The following FARS2 variants were observed in gnomAD, a reference collection of about 807,000 sequenced individuals.
FARS2 encodes phenylalanyl-tRNA synthetase 2, mitochondrial.
A neutral mutation model predicts 46.4 loss-of-function variants in FARS2; 40 were observed. That is an observed-to-expected ratio of 0.86 (90% CI 0.67 to 1.12). The LOEUF is 1.12. Ranked by LOEUF, FARS2 falls within the 50% of genes most tolerant of loss-of-function variation. FARS2 has a pLI of 0.00. For missense variants in FARS2, 513 were observed against 567.9 expected (o/e 0.90, Z 0.98); for synonymous variants, 234 against 214.9 (o/e 1.09, Z -0.78).
chr6:5,548,144 G>C (rs754294796), intron 5 of FARS2, among the ~76,000 whole-genome samples: 9 of 152,124 alleles, frequency 5.9e-5, no homozygotes, highest in Non-Finnish European at 1.0e-4. Context: ...TCACTATCAC[G>C]AGAATAGCAC....
chr6:5,300,624 A>G (rs1380793785), intron 1 of FARS2, among the ~76,000 whole-genome samples: 2 of 151,922 alleles, frequency 1.3e-5, no homozygotes, highest in African/African-American at 4.8e-5. Flanking sequence ...AGAGAGACAG[A>G]TTGCTTAGAT....
At chr6:5,360,524 T>C (rs1161330722) in intron 1 of FARS2, among the ~76,000 whole-genome samples, 1 of 152,220 alleles carries the variant, frequency 6.6e-6, no homozygotes, top group African/African-American at 2.4e-5. Context: ...TAATGGGAGA[T>C]AGGTTTGCCC....
chr6:5,654,400 G>T (rs1777510563), intron 6 of FARS2, among the ~76,000 whole-genome samples: 1 of 152,150 alleles, frequency 6.6e-6, no homozygotes, highest in South Asian at 2.1e-4. Context: ...TGCAGTTGAT[G>T]TTTAAAATAT....
intron 4 of FARS2, among the ~76,000 whole-genome samples, chr6:5,538,440 G>A (rs1254286368): frequency 1.3e-5 from 2 of 152,200 alleles, no homozygotes; most frequent in Non-Finnish European, 2.9e-5. Context: ...ACCCTGAACA[G>A]TTGTGCAGTT....
chr6:5,688,987 A>G (rs946259101), intron 6 of FARS2, among the ~76,000 whole-genome samples: 81 of 151,890 alleles, frequency 5.3e-4, no homozygotes, highest in South Asian at 2.1e-3. Flanking sequence ...GTTTATTTGC[A>G]TAGAGGTGTT....
intron 5 of FARS2, among the ~76,000 whole-genome samples, chr6:5,578,715 G>A (rs369203642): frequency 2.1e-4 from 31 of 150,844 alleles, no homozygotes; most frequent in Middle Eastern, 3.4e-3. Context: ...AGGCTGAGGC[G>A]GGAGAATGGT....
intron 4 of FARS2, among the ~76,000 whole-genome samples, chr6:5,498,186 T>G (rs1168060702): frequency 6.6e-6 from 1 of 152,202 alleles, no homozygotes; most frequent in South Asian, 2.1e-4. Context: ...TGATTAAAAT[T>G]TTTTTTCATC....
intron 4 of FARS2, among the ~76,000 whole-genome samples, chr6:5,453,859 G>A (rs983060340): frequency 4.6e-5 from 7 of 152,106 alleles, no homozygotes; most frequent in South Asian, 2.1e-4. Flanking sequence ...ATGAGGAACC[G>A]TACGGGAGAG....
chr6:5,642,942 C>T (rs1443575643), intron 6 of FARS2, among the ~76,000 whole-genome samples: 3 of 152,214 alleles, frequency 2.0e-5, no homozygotes, highest in Middle Eastern at 3.2e-3. Context: ...AGCGTGTTCA[C>T]GCTGGCTGTG....
intron 5 of FARS2, among the ~76,000 whole-genome samples, chr6:5,563,851 TAAAG>T (rs1772159370): frequency 6.6e-6 from 1 of 152,198 alleles, no homozygotes; most frequent in Non-Finnish European, 1.5e-5. Flanking sequence ...TGGAATTTAT[TAAAG>T]AGAGATTGTA....
At chr6:5,351,477 T>C (rs1178150046) in intron 1 of FARS2, among the ~76,000 whole-genome samples, 1 of 152,232 alleles carries the variant, frequency 6.6e-6, no homozygotes, top group Non-Finnish European at 1.5e-5. Context: ...ATTTGTGATA[T>C]ATTTCTTGTA....
At chr6:5,407,944 G>T (rs1317245852) in intron 3 of FARS2, among the ~76,000 whole-genome samples, 7 of 152,154 alleles carry the variant, frequency 4.6e-5, no homozygotes, top group Non-Finnish European at 4.4e-5. Flanking sequence ...TTTTAAGGAG[G>T]TAGCATTGTG....
At chr6:5,459,518 T>C (rs1056567955) in intron 4 of FARS2, among the ~76,000 whole-genome samples, 27 of 152,234 alleles carry the variant, frequency 1.8e-4, no homozygotes, top group Admixed American at 3.3e-4. Flanking sequence ...TTGTGGGCGG[T>C]GGTGGAATGT....
At chr6:5,282,456 G>A (rs1440632304) in intron 1 of FARS2, among the ~76,000 whole-genome samples, 2 of 152,196 alleles carry the variant, frequency 1.3e-5, no homozygotes, top group South Asian at 2.1e-4. Context: ...TGAAGGCCAC[G>A]AGCCATTTTA....
chr6:5,627,688 G>A (rs1263843405), intron 6 of FARS2, among the ~76,000 whole-genome samples: 1 of 152,050 alleles, frequency 6.6e-6, no homozygotes, highest in Non-Finnish European at 1.5e-5. Context: ...ACTATATTTG[G>A]GATATAGAAC....
At chr6:5,561,824 A>G (rs961909275) in intron 5 of FARS2, among the ~76,000 whole-genome samples, 10 of 151,908 alleles carry the variant, frequency 6.6e-5, no homozygotes, top group Non-Finnish European at 8.8e-5. Context: ...TATCTTAACT[A>G]TTTTTTGGTA....
chr6:5,723,800 A>G (rs1760066324), intron 6 of FARS2, among the ~76,000 whole-genome samples: 1 of 152,244 alleles, frequency 6.6e-6, no homozygotes, highest in South Asian at 2.1e-4. Context: ...ACAAAATGAA[A>G]TTGGGAGGCT....
At chr6:5,594,746 G>C (rs867245973) in intron 5 of FARS2, among the ~76,000 whole-genome samples, 1 of 152,186 alleles carries the variant, frequency 6.6e-6, no homozygotes, top group Non-Finnish European at 1.5e-5. Context: ...GCTCAGAGGA[G>C]GGACCCGTGG....
intron 6 of FARS2, among the ~76,000 whole-genome samples, chr6:5,724,978 A>G (rs1305637296): frequency 2.6e-5 from 4 of 152,264 alleles, no homozygotes; most frequent in Non-Finnish European, 5.9e-5. Flanking sequence ...GATGCCATTA[A>G]ACAAATAATC....
Sources: gnomAD v4.1 joint callset for allele counts (sites outside exome capture counted in the v4.1 genomes callset) on GRCh38, gnomAD v4.1.1 for gene constraint, MANE v1.5 for transcripts, NCBI Gene and HGNC (gene_info 2026-07-23, HGNC 2026-07-21) for gene names.